Variants in PNPLA7 observed in about 807,000 individuals in gnomAD.
PNPLA7 encodes the protein patatin-like phospholipase domain-containing protein 7.
In PNPLA7, 153 loss-of-function variants were observed where a neutral mutation model predicts 161.7. The observed-to-expected ratio is 0.95, with a 90% confidence interval of 0.83 to 1.08. The LOEUF (loss-of-function observed/expected upper bound fraction) is 1.08. Among genes scored for constraint, PNPLA7 ranks in the 50% least tolerant of loss-of-function variants. PNPLA7 has a pLI of 0.00. For missense variants in PNPLA7, 1,739 were observed against 1,856.6 expected, an observed-to-expected ratio of 0.94 and a Z score of 1.16; for synonymous variants, 809 against 782.1, an observed-to-expected ratio of 1.03 and a Z score of -0.57.
Position 137,545,659 on chromosome 9 carries a change from TTATTCC to T in PNPLA7, c.273+1165_273+1170del, listed in dbSNP as rs1293717437. 1.9e-4 allele frequency among the ~76,000 whole-genome samples: 29 copies of T among 152,362 alleles called. No homozygotes were observed. In the East Asian group the frequency reaches 4.6e-3, roughly 24 times the overall value. ...ATCATTAGCTTGTAGCAATTACTCT[TTATTCC>T]AATATTATAATAATCCTCACTCTAT... On this transcript the variant is annotated intron_variant, in intron 4 of 34. Transcript: ENST00000406427.
chr9:137,514,085 G>A lies in PNPLA7; in HGVS notation c.1225+1294C>T, dbSNP rs571223337. On this transcript the variant is annotated intron_variant, in intron 12 of 34. Transcript: ENST00000406427. ...GGGTCACCTGACTGTTGAGGTGCCC[G>A]GGCCCTGTGGCCGGGCTGCGGGCGG... 5.1e-4 allele frequency among the ~76,000 whole-genome samples: 78 copies of A among 151,978 alleles called. 1 individual carries two copies. The highest frequency in any genetic ancestry group is 4.3e-4 in the African/African-American group (18 of 41,490).
rs2132231088 is a variant in PNPLA7, at chr9:137,493,175, G to A, written c.2128-93C>T. 2.3e-6 allele frequency: 3 copies of A among 1,300,294 alleles called. No homozygotes were observed. The East Asian group carries it at 7.0e-5, about 30-fold the overall frequency. The allele number at this position is 1,300,294 out of a possible 1,614,324, so 80.5% of individuals were successfully genotyped here. On this transcript the variant is annotated intron_variant, in intron 19 of 34. Coordinates refer to ENST00000406427, the MANE Select transcript of PNPLA7 (RefSeq NM_001098537.3). The stretch of plus-strand genomic sequence containing the variant: ...TGATGCTCAACAACAGCGAGACTCA[G>A]CCAATGGCGCTGGATCTGCTTTTCA...
At chr9:137,509,651 G>C (rs1834112330) in intron 12 of PNPLA7, 2 of 425,746 alleles carry the variant, frequency 4.7e-6, no homozygotes, top group Admixed American at 2.5e-5. Context: ...AGTTTAGCTG[G>C]CATGAGTGAG....
At chr9:137,515,295 TG>T in intron 12 of PNPLA7, 83 bp downstream of exon 12, 1 of 1,515,084 alleles carries the variant, frequency 6.6e-7, no homozygotes, top group Non-Finnish European at 8.9e-7. Context: ...GCGGCGATGC[TG>T]GGCATCAGTG....
Position 137,479,069 on chromosome 9 carries a change from C to G in PNPLA7, c.2750G>C (p.Ser917Thr). ...CCPRRVFSRR[S>T]LPKLVEMYKH... ...TCCCCGCCTCACCAGCTTGGGCAGG[C>G]TCCTCCTGGAGAAGACGCGGCGCGG... The change falls in exon 24 of 35, where the codon AGC (serine) becomes ACC (threonine). Residue 917 changes from serine to threonine, a missense_variant. Physicochemically the swap from Ser to Thr is moderately conservative, Grantham distance 58 (BLOSUM62 1). This residue lies in a region of PNPLA7 where 703 missense variants were observed against 694.6 expected (regional missense o/e 1.01). Transcript: ENST00000406427. The G allele has an allele frequency of 6.3e-7, 1 of 1,587,790 alleles. No individual in the cohort carries two copies. The highest frequency in any genetic ancestry group is 1.3e-5 in the African/African-American group (1 of 74,590).
intron 12 of PNPLA7, among the ~76,000 whole-genome samples, chr9:137,506,653 C>T (rs978192590): frequency 2.6e-5 from 4 of 152,150 alleles, no homozygotes; most frequent in Non-Finnish European, 5.9e-5. Flanking sequence ...CCAAAGAGCT[C>T]CCCTGTTGCT....
At chr9:137,482,931 G>A (rs983555644) in intron 21 of PNPLA7, among the ~76,000 whole-genome samples, 1 of 152,220 alleles carries the variant, frequency 6.6e-6, no homozygotes, top group African/African-American at 2.4e-5. Context: ...GGAGTGCAGT[G>A]GCACCATCTC....
chr9:137,478,850 C>A, intron 24 of PNPLA7: 1 of 699,012 alleles, frequency 1.4e-6, no homozygotes, highest in Non-Finnish European at 2.2e-6. Context: ...CCTGCCCCCA[C>A]TGCACCGGCT....
intron 25 of PNPLA7, among the ~76,000 whole-genome samples, chr9:137,477,528 C>A (rs1409442064): frequency 2.6e-5 from 4 of 152,074 alleles, no homozygotes; most frequent in Non-Finnish European, 5.9e-5. Flanking sequence ...TGGCTCACCA[C>A]AACCTCTGCC....
intron 8 of PNPLA7, among the ~76,000 whole-genome samples, chr9:137,530,612 A>C (rs771250938): frequency 1.3e-5 from 2 of 152,218 alleles, no homozygotes; most frequent in Non-Finnish European, 2.9e-5. Context: ...TGTTTTCTGC[A>C]TTCTGTCCAG....
At chr9:137,475,070 T>TAAAC (rs1427150414) in intron 25 of PNPLA7, among the ~76,000 whole-genome samples, 1 of 136,806 alleles carries the variant, frequency 7.3e-6, no homozygotes, top group Non-Finnish European at 1.6e-5. Context: ...AAGAGGGAGG[T>TAAAC]AAACATTTTC....
chr9:137,493,353 C>A (rs1040342901), intron 19 of PNPLA7, among the ~76,000 whole-genome samples: 1 of 152,204 alleles, frequency 6.6e-6, no homozygotes, highest in African/African-American at 2.4e-5. Flanking sequence ...CCTCTGTGAC[C>A]GTGAGCCCAG....
chr9:137,503,418 A>C (rs1484644538), intron 14 of PNPLA7, among the ~76,000 whole-genome samples: 1 of 124,738 alleles, frequency 8.0e-6, no homozygotes, highest in African/African-American at 3.1e-5. Context: ...GAAGGAGAAG[A>C]AAGAAAGAAG....
At chr9:137,492,471 G>T (rs1419912629) in intron 20 of PNPLA7, 1 of 158,802 alleles carries the variant, frequency 6.3e-6, no homozygotes, top group Non-Finnish European at 1.3e-5. Flanking sequence ...GTGGGACCAT[G>T]GGTGGGCGGG....
At chr9:137,501,920 C>G (rs527252930) in intron 14 of PNPLA7, among the ~76,000 whole-genome samples, 193 bp from the exon 15 acceptor site, 3 of 152,356 alleles carry the variant, frequency 2.0e-5, no homozygotes, top group Admixed American at 6.5e-5. Flanking sequence ...GATGCCAAAC[C>G]AGGGCATCGG....
chr9:137,487,902 G>A (rs559975222), intron 20 of PNPLA7, among the ~76,000 whole-genome samples: 7 of 152,324 alleles, frequency 4.6e-5, no homozygotes, highest in Admixed American at 3.3e-4. Flanking sequence ...TTCACCGCAC[G>A]CACTTCAGCC....
chr9:137,488,668 G>C (rs973024674), intron 20 of PNPLA7, among the ~76,000 whole-genome samples: 1 of 152,084 alleles, frequency 6.6e-6, no homozygotes, highest in African/African-American at 2.4e-5. Context: ...CCCCATGGGA[G>C]CTGCCTCTAG....
chr9:137,539,852 C>G (rs1303900985), intron 8 of PNPLA7, among the ~76,000 whole-genome samples: 1 of 152,146 alleles, frequency 6.6e-6, no homozygotes, highest in Non-Finnish European at 1.5e-5. Flanking sequence ...GTGGCAGGAT[C>G]TTGGCTCACT....
At position 137,523,334 on chromosome 9, in the gene PNPLA7, C is replaced by T. The variant is rs895594186; in HGVS notation, c.748-477G>A. Among the ~76,000 whole-genome samples, 3 of 152,188 alleles carry T rather than the reference C, an allele frequency of 2.0e-5. No homozygotes were observed. Among genetic ancestry groups the T allele is most frequent in the Non-Finnish European group, 2.9e-5 (2 of 68,004 alleles). On this transcript the variant is annotated intron_variant, in intron 8 of 34. Transcript: ENST00000406427. This position sits in a 1 kb window ranked among gnomAD's most constrained non-coding sequence, Gnocchi z 4.4. ...ATGCCCACCGCCACAGTGGGGTCAC[C>T]GCCTAGGACAGGGAGCGCGCACTGC... is the stretch of plus-strand genomic sequence containing the variant.
Sources: gnomAD v4.1 joint callset for allele counts (sites outside exome capture counted in the v4.1 genomes callset) on GRCh38, gnomAD v4.1.1 for gene constraint, gnomAD v4.1.1 regional missense constraint, Gnocchi (gnomAD v3.1) non-coding constraint, MANE v1.5 for transcripts, NCBI Gene and HGNC (gene_info 2026-07-23, HGNC 2026-07-21) for gene names.